DEAF1: variants seen among roughly 807,000 people sequenced by gnomAD.
DEAF1 encodes DEAF1 transcription factor.
A neutral mutation model predicts 58.9 loss-of-function variants in DEAF1; 53 were observed. That is an observed-to-expected ratio of 0.90 (90% CI 0.72 to 1.13). The LOEUF (loss-of-function observed/expected upper bound fraction) is 1.13. Among genes scored for constraint, DEAF1 ranks in the 50% most tolerant of loss-of-function variants. The probability of loss-of-function intolerance (pLI) is 0.00; values close to 1 mark genes in which losing one functional copy is unlikely to be tolerated. For missense variants in DEAF1, 685 were observed against 791.4 expected (o/e 0.87, Z 1.61); for synonymous variants, 385 against 340.4 (o/e 1.13, Z -1.44).
rs754319706 is a variant in DEAF1 at position 688,329 on chromosome 11, A to G, written c.517+2T>C. The G allele has an allele frequency of 6.2e-7, 1 of 1,613,576 alleles. No homozygotes were observed. On this transcript the variant is annotated splice_donor_variant, in intron 3 of 11. Transcript: ENST00000382409. LOFTEE classifies it high-confidence loss of function. The surrounding 1 kb of genome is among the most constrained non-coding windows in gnomAD (Gnocchi z 4.3). Reference sequence around the variant, plus strand: ...AGGCCTGGGGTGCAGGCACCGCTGTACCTGGGGTGAGGGGAGCTGCCGGGC... The same window carrying G: ...AGGCCTGGGGTGCAGGCACCGCTGTGCCTGGGGTGAGGGGAGCTGCCGGGC...
At chr11:683,968 G>C (rs1860479956) in intron 6 of DEAF1, among the ~76,000 whole-genome samples, 1 of 152,160 alleles carries the variant, frequency 6.6e-6, no homozygotes, top group Non-Finnish European at 1.5e-5. Flanking sequence ...GTCTCTAAGA[G>C]TCTCACCGAC....
At chr11:705,692 C>G (rs1353331290) in intron 1 of DEAF1, among the ~76,000 whole-genome samples, 1 of 152,134 alleles carries the variant, frequency 6.6e-6, no homozygotes, top group African/African-American at 2.4e-5. Context: ...GCGGTGGGCC[C>G]GGTAAGGGAA....
At chr11:663,023 G>A (rs1859382048) in intron 10 of DEAF1, among the ~76,000 whole-genome samples, 1 of 152,204 alleles carries the variant, frequency 6.6e-6, no homozygotes, top group Non-Finnish European at 1.5e-5. Flanking sequence ...TTTTACTACT[G>A]GCCTGGGGGC....
chr11:686,733 G>A, intron 5 of DEAF1, 125 bp downstream of exon 5: 7 of 1,278,424 alleles, frequency 5.5e-6, no homozygotes, highest in Non-Finnish European at 7.7e-6. Context: ...CACACAGACA[G>A]CAGGTGGAGG....
Position 645,859 on chromosome 11 carries a change from C to T in DEAF1, c.1594-1205G>A, listed in dbSNP as rs142907836. ...ACAGAGGCAGCTCCGTGCACGGGGGCGTGATAGGTACGTATATGACACACA... is the reference window on the plus strand; with the variant it reads ...ACAGAGGCAGCTCCGTGCACGGGGGTGTGATAGGTACGTATATGACACACA... On this transcript the variant is annotated intron_variant, in intron 11 of 11. Coordinates refer to ENST00000382409, the MANE Select transcript of DEAF1 (RefSeq NM_021008.4). 4.6e-3 allele frequency among the ~76,000 whole-genome samples: 702 copies of T among 152,236 alleles called. 7 individuals are homozygous for T. The highest frequency in any genetic ancestry group is 0.016 in the African/African-American group (665 of 41,530).
At chr11:680,204 C>A (rs945925266) in intron 7 of DEAF1, 2 of 305,092 alleles carry the variant, frequency 6.6e-6, no homozygotes, top group East Asian at 1.7e-4. Context: ...GCAAGGCTGC[C>A]CTGTGTCCCA....
chr11:703,183 C>G, intron 1 of DEAF1: 2 of 1,575,440 alleles, frequency 1.3e-6, no homozygotes, highest in Non-Finnish European at 1.7e-6. Flanking sequence ...ACACTGGGGC[C>G]CTCCTCCTGG....
At chr11:655,007 C>T (rs895185718) in intron 10 of DEAF1, among the ~76,000 whole-genome samples, 2 of 151,584 alleles carry the variant, frequency 1.3e-5, no homozygotes, top group African/African-American at 2.4e-5. Flanking sequence ...CGAGATTGTA[C>T]CATTGCACTC....
upstream of DEAF1, among the ~76,000 whole-genome samples, chr11:696,214 G>C (rs1440289106): frequency 6.6e-6 from 1 of 152,178 alleles, no homozygotes; most frequent in Non-Finnish European, 1.5e-5. Context: ...AATCGCGGGC[G>C]CCGGTGCCTC....
intron 7 of DEAF1, chr11:680,188 C>T (rs1860289283): frequency 3.1e-6 from 1 of 324,366 alleles, no homozygotes; most frequent in Admixed American, 4.5e-5. Flanking sequence ...GCAGCCGTGT[C>T]CCACAGCAAG....
intron 11 of DEAF1, among the ~76,000 whole-genome samples, chr11:649,557 TA>T (rs1429269488): frequency 2.0e-5 from 3 of 151,588 alleles, no homozygotes. Flanking sequence ...CTGTGTCTAC[TA>T]AAAGTACAAA....
intron 11 of DEAF1, among the ~76,000 whole-genome samples, chr11:647,670 C>T (rs1359951728): frequency 6.6e-6 from 1 of 152,214 alleles, no homozygotes; most frequent in Non-Finnish European, 1.5e-5. Flanking sequence ...AGGGCAGGCG[C>T]TAAAGCAGCT....
intron 11 of DEAF1, among the ~76,000 whole-genome samples, chr11:652,823 C>T (rs960264638): frequency 6.6e-6 from 1 of 152,036 alleles, no homozygotes; most frequent in African/African-American, 2.4e-5. Context: ...TAGCTCACAC[C>T]TCTAAATCCC....
Position 644,462 on chromosome 11 carries a change from C to G in DEAF1, c.*88G>C. The G allele has an allele frequency of 1.0e-6, 1 of 959,190 alleles. No individual in the cohort carries two copies. The highest frequency in any genetic ancestry group is 1.6e-6 in the Non-Finnish European group (1 of 612,960). 59.4% of individuals were successfully genotyped at this position (959,190 alleles called of 1,614,324 possible). ...CTTCCCACACCCCTCTTCTCAACGT[C>G]CCCCCAGAGTCCTCAGGGGGGCCTT... On this transcript the variant is annotated 3_prime_UTR_variant, in exon 12 of 12. Coordinates refer to ENST00000382409, the MANE Select transcript of DEAF1 (RefSeq NM_021008.4). The surrounding 1 kb of genome is among the most constrained non-coding windows in gnomAD (Gnocchi z 4.3).
Position 684,849 on chromosome 11 carries a change from G to A in DEAF1, c.870+49C>T, listed in dbSNP as rs547465473. ...CAAGGGCTGTGGGACCCACTCAGCCGCCCCCAGCCCCACCAAGTCATCCTG... is the reference window on the plus strand; with the variant it reads ...CAAGGGCTGTGGGACCCACTCAGCCACCCCCAGCCCCACCAAGTCATCCTG... On this transcript the variant is annotated intron_variant, in intron 6 of 11. Transcript: ENST00000382409. The A allele has an allele frequency of 1.3e-3, 1,974 of 1,511,982 alleles. 46 individuals carry two copies. The South Asian group carries it at 0.022, about 17-fold the overall frequency. The allele number at this position is 1,511,982 out of a possible 1,614,324, so 93.7% of individuals were successfully genotyped here. A position where few individuals can be genotyped will look rare whatever the true frequency, so the allele number is the denominator to read the frequency against.
chr11:654,869 C>CA (rs200599285), intron 10 of DEAF1, among the ~76,000 whole-genome samples: 2,379 of 146,844 alleles, frequency 0.016, 33 homozygotes, highest in Middle Eastern at 0.027. Context: ...ACTCCCATCT[C>CA]AAAAAAAAAG....
At chr11:676,381 C>A (rs1005948502) in intron 9 of DEAF1, among the ~76,000 whole-genome samples, 16 of 144,790 alleles carry the variant, frequency 1.1e-4, no homozygotes, top group Non-Finnish European at 2.3e-4. Context: ...GACATCCCCC[C>A]AGCAGGCAAC....
At chr11:668,421 T>C (rs1859653981) in intron 10 of DEAF1, among the ~76,000 whole-genome samples, 1 of 152,216 alleles carries the variant, frequency 6.6e-6, no homozygotes, top group Non-Finnish European at 1.5e-5. Context: ...ACACATCTTT[T>C]TGTTTTTTTG....
At chr11:696,629 G>C (rs971285252), upstream of DEAF1, among the ~76,000 whole-genome samples, 3 of 54,836 alleles carry the variant, frequency 5.5e-5, no homozygotes, top group Non-Finnish European at 1.2e-4. Context: ...TCAGCCAGGC[G>C]GTGGCGCACC....
Sources: allele counts gnomAD v4.1 joint callset (sites outside exome capture counted in the v4.1 genomes callset), GRCh38; gene constraint gnomAD v4.1.1; non-coding constraint Gnocchi (gnomAD v3.1); transcripts MANE v1.5; gene names NCBI Gene and HGNC (gene_info 2026-07-23, HGNC 2026-07-21).